ACVR2B: variants seen among roughly 807,000 people sequenced by gnomAD.
ACVR2B encodes the protein activin A receptor type 2B.
A neutral mutation model predicts 65.1 loss-of-function variants in ACVR2B; 18 were observed. The ratio of observed to expected loss-of-function variants is 0.28; its 90% CI spans 0.19 to 0.41. The LOEUF is 0.41. Among genes scored for constraint, ACVR2B ranks in the 10% least tolerant of loss-of-function variants. ACVR2B has a pLI of 1.00. For synonymous variants in ACVR2B, 298 were observed against 277.7 expected (o/e 1.07, Z -0.73); for missense variants, 482 against 682.7 (o/e 0.71, Z 3.28).
intron 1 of ACVR2B, chr3:38,454,660 C>G (rs1709512013): frequency 3.4e-6 from 1 of 291,392 alleles, no homozygotes; most frequent in Admixed American, 5.2e-5. Flanking sequence ...TCGGGCTACG[C>G]GGGCGCGTGG....
intron 1 of ACVR2B, among the ~76,000 whole-genome samples, chr3:38,471,077 T>C (rs1023954705): frequency 1.3e-5 from 2 of 152,168 alleles, no homozygotes; most frequent in African/African-American, 2.4e-5. Context: ...TCTCTAATAC[T>C]AACACACGAA....
In ACVR2B at chr3:38,483,380, A is replaced by C. The variant is rs765725766; in HGVS notation, c.*48A>C. 2 of 1,603,744 alleles carry C rather than the reference A, an allele frequency of 1.2e-6. No homozygotes were observed. The highest frequency in any genetic ancestry group is 2.7e-5 in the African/African-American group (2 of 74,512). On this transcript the variant is annotated 3_prime_UTR_variant, in exon 11 of 11. Coordinates refer to ENST00000352511, the MANE Select transcript of ACVR2B (RefSeq NM_001106.4). This position sits in a 1 kb window ranked among gnomAD's most constrained non-coding sequence, Gnocchi z 4.8. ...CAGACTCAGTGGATCTGAAGAAAAA[A>C]GGAAAAAAAGTTGTGTTTTGTTTTG...
chr3:38,467,760 A>G lies in ACVR2B; in HGVS notation c.53-9527A>G, dbSNP rs530857774. Among the ~76,000 whole-genome samples the G allele has an allele frequency of 4.1e-3, 625 of 152,264 alleles. 1 individual carries two copies. The highest frequency in any genetic ancestry group is 0.01 in the South Asian group (49 of 4,826). On this transcript the variant is annotated intron_variant, in intron 1 of 10. Coordinates refer to ENST00000352511, the MANE Select transcript of ACVR2B (RefSeq NM_001106.4). The stretch of plus-strand genomic sequence containing the variant: ...GAGCAAGACCCTGTGTCCAAAAAAA[A>G]AAAAGGAGACATGGAATAATAGAGA...
chr3:38,458,582 C>T (rs1208664107), intron 1 of ACVR2B, among the ~76,000 whole-genome samples: 1 of 152,186 alleles, frequency 6.6e-6, no homozygotes, highest in Non-Finnish European at 1.5e-5. Flanking sequence ...GCCCTGGTCT[C>T]TCTTTCCAGA....
At chr3:38,465,141 G>A (rs992032409) in intron 1 of ACVR2B, among the ~76,000 whole-genome samples, 4 of 152,054 alleles carry the variant, frequency 2.6e-5, no homozygotes, top group Non-Finnish European at 5.9e-5. Flanking sequence ...GCTCATGCCT[G>A]TAATCCCAGC....
rs1010940703 is a variant in ACVR2B at position 38,490,684 on chromosome 3, C to G, written c.*7352C>G. 6.6e-6 allele frequency: 1 copy of G among 152,564 alleles called. No homozygotes were observed. Among genetic ancestry groups the G allele is most frequent in the African/African-American group, 2.4e-5 (1 of 41,404 alleles). The allele number at this position is 152,564 out of a possible 1,614,324, so 9.5% of individuals were successfully genotyped here. A position where few individuals can be genotyped will look rare whatever the true frequency, so the allele number is the denominator to read the frequency against. On this transcript the variant is annotated 3_prime_UTR_variant, in exon 11 of 11. Coordinates refer to ENST00000352511, the MANE Select transcript of ACVR2B (RefSeq NM_001106.4). Reference sequence around the variant, plus strand: ...TCTGTGATCCAGGTATTTTAAGAACCAGTTACCTCAGACCTCATGTTGAAC... The same window carrying G: ...TCTGTGATCCAGGTATTTTAAGAACGAGTTACCTCAGACCTCATGTTGAAC...
Position 38,477,486 on chromosome 3 carries a change from C to T in ACVR2B, c.252C>T (p.Cys84=). 6.2e-7 allele frequency: 1 copy of T among 1,613,976 alleles called. No homozygotes were observed. Among genetic ancestry groups the T allele is most frequent in the Non-Finnish European group, 8.5e-7 (1 of 1,179,934 alleles). The change falls in exon 2 of 11, where the codon TGC becomes TGT. Residue 84 remains cysteine, a synonymous_variant. Transcript: ENST00000352511. The surrounding 1 kb of genome is among the most constrained non-coding windows in gnomAD (Gnocchi z 6.7). ...KKGCWLDDFN[C]YDRQECVATE... ...GCTGCTGGCTAGATGACTTCAACTG[C>T]TACGATAGGTACCCCAAGACTTGCC...
intron 7 of ACVR2B, 110 bp downstream of exon 7, chr3:38,479,936 T>G: frequency 1.5e-6 from 2 of 1,365,518 alleles, no homozygotes; most frequent in Non-Finnish European, 1.0e-6. Context: ...ATACTTACCC[T>G]GCTTGCTGTG....
At position 38,454,543 on chromosome 3, in the gene ACVR2B, C is replaced by T. The variant is rs553078685; in HGVS notation, c.52+169C>T. The T allele has an allele frequency of 1.8e-4, 93 of 516,940 alleles. No individual in the cohort carries two copies. In the South Asian group the frequency reaches 6.5e-3, roughly 36 times the overall value. The allele number at this position is 516,940 out of a possible 1,614,324, so 32.0% of individuals were successfully genotyped here. A position where few individuals can be genotyped will look rare whatever the true frequency, so the allele number is the denominator to read the frequency against. On this transcript the variant is annotated intron_variant, in intron 1 of 10. Transcript: ENST00000352511. Reference sequence around the variant, plus strand: ...CTGGGGGCGCGGTGGGCGCCCGGCTCGCCGAACTTGGGGGCACGATCTTGT... The same window carrying T: ...CTGGGGGCGCGGTGGGCGCCCGGCTTGCCGAACTTGGGGGCACGATCTTGT...
At chr3:38,457,359 C>T (rs78540295) in intron 1 of ACVR2B, among the ~76,000 whole-genome samples, 3,835 of 152,244 alleles carry the variant, frequency 0.025, 168 homozygotes, top group African/African-American at 0.086. Flanking sequence ...TCCACATTTC[C>T]AGTGCTCTGC....
chr3:38,461,058 G>A (rs149026205), intron 1 of ACVR2B, among the ~76,000 whole-genome samples: 1 of 152,244 alleles, frequency 6.6e-6, no homozygotes, highest in East Asian at 1.9e-4. Flanking sequence ...AATTAAAACA[G>A]GAGACTAACT....
chr3:38,483,122 G>A lies in ACVR2B; in HGVS notation c.1345-16G>A. On this transcript the variant is annotated splice_polypyrimidine_tract_variant and intron_variant, in intron 10 of 10. Coordinates refer to ENST00000352511, the MANE Select transcript of ACVR2B (RefSeq NM_001106.4). This position sits in a 1 kb window ranked among gnomAD's most constrained non-coding sequence, Gnocchi z 4.8. Reference sequence around the variant, plus strand: ...CCTAACAAAGGTGTCTTTCCTGTCTGCCCTATGCTGCTTAGGGCCTGGCCC... The same window carrying A: ...CCTAACAAAGGTGTCTTTCCTGTCTACCCTATGCTGCTTAGGGCCTGGCCC... 3.7e-6 allele frequency: 6 copies of A among 1,614,012 alleles called. No individual in the cohort carries two copies. The African/African-American group carries it at 5.3e-5, about 14-fold the overall frequency.
chr3:38,480,847 CTTAG>C (rs1274322045), intron 7 of ACVR2B, among the ~76,000 whole-genome samples: 1 of 152,192 alleles, frequency 6.6e-6, no homozygotes, highest in African/African-American at 2.4e-5. Flanking sequence ...AGTAGCTTTG[CTTAG>C]TTAGAGGTGG....
chr3:38,455,476 C>A (rs1559643589), intron 1 of ACVR2B, among the ~76,000 whole-genome samples: 1 of 151,936 alleles, frequency 6.6e-6, no homozygotes, highest in African/African-American at 2.4e-5. Context: ...GGGGCGGGGC[C>A]GGGCGTGCAG....
rs1710113737 is a variant in ACVR2B, at chr3:38,485,973, CT to C, written c.*2644del. 1 of 152,506 alleles carries C rather than the reference CT, an allele frequency of 6.6e-6. No homozygotes were observed. The highest frequency in any genetic ancestry group is 6.5e-5 in the Admixed American group (1 of 15,278). 9.4% of individuals were successfully genotyped at this position (152,506 alleles called of 1,614,324 possible). ...CTACCTGAACACTAAACCCCAGCCT[CT>C]TTGTTTGGTTTTAGTTCCTCTGGGT... On this transcript the variant is annotated 3_prime_UTR_variant, in exon 11 of 11. Transcript: ENST00000352511.
intron 1 of ACVR2B, 75 bp downstream of exon 1, chr3:38,454,449 A>G: frequency 6.8e-6 from 8 of 1,183,664 alleles, no homozygotes; most frequent in Non-Finnish European, 8.4e-6. Flanking sequence ...GGTGTTTACC[A>G]ACAAAGGGCG....
In ACVR2B at chr3:38,489,629, G is replaced by T. The variant is rs1710179279; in HGVS notation, c.*6297G>T. On this transcript the variant is annotated 3_prime_UTR_variant, in exon 11 of 11. Transcript: ENST00000352511. ...TCCTGAGATTTCTGTTGAACAAAGGGTTCTGAGGTCAAAAATTAGTTTGTA... is the reference window on the plus strand; with the variant it reads ...TCCTGAGATTTCTGTTGAACAAAGGTTTCTGAGGTCAAAAATTAGTTTGTA... The T allele has an allele frequency of 6.6e-6, 1 of 152,598 alleles. No homozygotes were observed. Among genetic ancestry groups the T allele is most frequent in the Non-Finnish European group, 1.5e-5 (1 of 68,050 alleles). The allele number at this position is 152,598 out of a possible 1,614,324, so 9.5% of individuals were successfully genotyped here. A position where few individuals can be genotyped will look rare whatever the true frequency, so the allele number is the denominator to read the frequency against.
At position 38,484,576 on chromosome 3, in the gene ACVR2B, G is replaced by T. The variant is rs1710082338; in HGVS notation, c.*1244G>T. 6.6e-6 allele frequency: 1 copy of T among 152,528 alleles called. No individual in the cohort carries two copies. Among genetic ancestry groups the T allele is most frequent in the Non-Finnish European group, 1.5e-5 (1 of 68,032 alleles). The allele number at this position is 152,528 out of a possible 1,614,324, so 9.4% of individuals were successfully genotyped here. On this transcript the variant is annotated 3_prime_UTR_variant, in exon 11 of 11. Transcript: ENST00000352511. The stretch of plus-strand genomic sequence containing the variant: ...TTCTAAAAAACTGTTTTTCTATTAT[G>T]CCATAACCTTGCTCTAGTCAGTGAA...
rs777807223 is a variant in ACVR2B, at chr3:38,477,483, C to G, written c.249C>G (p.Asn83Lys). Reference sequence around the variant, plus strand: ...AGGGCTGCTGGCTAGATGACTTCAACTGCTACGATAGGTACCCCAAGACTT... The same window carrying G: ...AGGGCTGCTGGCTAGATGACTTCAAGTGCTACGATAGGTACCCCAAGACTT... Reference protein sequence around the residue: ...VKKGCWLDDFNCYDRQECVAT... With the variant: ...VKKGCWLDDFKCYDRQECVAT... Residue 83 changes from asparagine to lysine, a missense_variant, in exon 2 of 11, where the codon AAC (asparagine) becomes AAG (lysine). Physicochemically the swap from Asn to Lys is moderately conservative, Grantham distance 94. Around this residue, in one of 5 missense-constraint regions of ACVR2B, gnomAD observed 85 missense variants for 137.3 expected, o/e 0.62. Transcript: ENST00000352511. This position sits in a 1 kb window ranked among gnomAD's most constrained non-coding sequence, Gnocchi z 6.7. 1 of 1,613,890 alleles carries G rather than the reference C, an allele frequency of 6.2e-7. No individual in the cohort carries two copies. The highest frequency in any genetic ancestry group is 1.7e-5 in the Admixed American group (1 of 59,994).
Sources: gnomAD v4.1 joint callset for allele counts (sites outside exome capture counted in the v4.1 genomes callset) on GRCh38, gnomAD v4.1.1 for gene constraint, gnomAD v4.1.1 regional missense constraint, Gnocchi (gnomAD v3.1) non-coding constraint, MANE v1.5 for transcripts, NCBI Gene and HGNC (gene_info 2026-07-23, HGNC 2026-07-21) for gene names.